AGFG1: variants seen among roughly 807,000 people sequenced by gnomAD.
AGFG1 encodes ArfGAP with FG repeats 1, also known as arf-GAP domain and FG repeat-containing protein 1.
Under a neutral mutation model 60.6 loss-of-function variants are expected in AGFG1, and 10 were observed. The observed-to-expected ratio is 0.16, with a 90% CI of 0.10 to 0.28. AGFG1 has a LOEUF of 0.28. AGFG1 is among the 10% of genes least tolerant of loss of function. The pLI is 1.00. For missense variants in AGFG1, 537 were observed against 676.5 expected (o/e 0.79, Z 2.29); for synonymous variants, 247 against 242.9 (o/e 1.02, Z -0.16).
intron 10 of AGFG1, among the ~76,000 whole-genome samples, chr2:227,545,518 C>T (rs1692618811): frequency 6.6e-6 from 1 of 152,224 alleles, no homozygotes; most frequent in Non-Finnish European, 1.5e-5. Flanking sequence ...CGAGGAGCTG[C>T]AGTCCTTTGG....
chr2:227,497,761 T>TTTTGG (rs546987888), intron 2 of AGFG1, among the ~76,000 whole-genome samples: 2 of 65,210 alleles, frequency 3.1e-5, no homozygotes, highest in Non-Finnish European at 6.7e-5. Flanking sequence ...TTTTTTTTTT[T>TTTTGG]GGGGACGGAG....
chr2:227,547,905 A>G (rs1043744671), intron 10 of AGFG1, among the ~76,000 whole-genome samples: 5 of 152,236 alleles, frequency 3.3e-5, no homozygotes, highest in African/African-American at 9.6e-5. Context: ...TGTTCATACC[A>G]TCAGTATTTA....
intron 1 of AGFG1, among the ~76,000 whole-genome samples, chr2:227,477,769 C>T (rs1239143994): frequency 6.6e-6 from 1 of 151,954 alleles, no homozygotes. Flanking sequence ...CCATGCCTGG[C>T]TAAATTTTTT....
intron 3 of AGFG1, among the ~76,000 whole-genome samples, chr2:227,521,621 C>G (rs1278260565): frequency 6.6e-6 from 1 of 152,178 alleles, no homozygotes; most frequent in Non-Finnish European, 1.5e-5. Context: ...AGACTGTTCT[C>G]CTTACATAGC....
Position 227,497,761 on chromosome 2 carries a change from T to TTTTTTTTG in AGFG1, c.261+6121_261+6122insTTTTTTTG, listed in dbSNP as rs546987888. On this transcript the variant is annotated intron_variant, in intron 2 of 12. Transcript: ENST00000310078. ...TTTTTTTTTTTTTTTTTTTTTTTTT[T>TTTTTTTTG]GGGGACGGAGTCTTACTCTGTCGCC... is the stretch of plus-strand genomic sequence containing the variant. 2.9e-3 allele frequency among the ~76,000 whole-genome samples: 189 copies of TTTTTTTTG among 65,170 alleles called. 15 individuals are homozygous for TTTTTTTTG. Among genetic ancestry groups the TTTTTTTTG allele is most frequent in the East Asian group, 4.9e-3 (9 of 1,848 alleles). 42.8% of individuals were successfully genotyped at this position (65,170 alleles called of 152,430 possible).
At chr2:227,525,537 G>C (rs1009856612) in intron 5 of AGFG1, among the ~76,000 whole-genome samples, 3 of 152,178 alleles carry the variant, frequency 2.0e-5, no homozygotes, top group Non-Finnish European at 4.4e-5. Flanking sequence ...AAGGTCCACA[G>C]ACTGCAGTTG....
intron 8 of AGFG1, among the ~76,000 whole-genome samples, chr2:227,535,757 T>G (rs983166220): frequency 6.6e-6 from 1 of 152,156 alleles, no homozygotes; most frequent in Non-Finnish European, 1.5e-5. Flanking sequence ...TAGAAAGAAA[T>G]GTTAGGATTG....
rs548123714 is a variant in AGFG1 at position 227,508,227 on chromosome 2, GACA to G, written c.262-11716_262-11714del. On this transcript the variant is annotated intron_variant, in intron 2 of 12. Coordinates refer to ENST00000310078, the MANE Select transcript of AGFG1 (RefSeq NM_004504.5). ...ACAAATGCATGCCTTCAGTCACCAG[GACA>G]ACAAGACAATAGAGTATCAGTACAA... 15 of 154,550 alleles carry G rather than the reference GACA, an allele frequency of 9.7e-5. No individual in the cohort carries two copies. In the South Asian group the frequency reaches 2.6e-3, roughly 26 times the overall value. 9.6% of individuals were successfully genotyped at this position (154,550 alleles called of 1,614,324 possible). A position where few individuals can be genotyped will look rare whatever the true frequency, so the allele number is the denominator to read the frequency against.
rs994819685 is a variant in AGFG1 at position 227,560,475 on chromosome 2, A to T, written c.*5980A>T. The T allele has an allele frequency of 3.3e-5, 5 of 152,104 alleles. No homozygotes were observed. Among genetic ancestry groups the T allele is most frequent in the African/African-American group, 9.7e-5 (4 of 41,436 alleles). The allele number at this position is 152,104 out of a possible 1,614,324, so 9.4% of individuals were successfully genotyped here. ...ATATATGAAAAAGCCTATGCTTTTA[A>T]ATTAAACTGTTAAGACAGTCCATTG... On this transcript the variant is annotated 3_prime_UTR_variant, in exon 13 of 13. Coordinates refer to ENST00000310078, the MANE Select transcript of AGFG1 (RefSeq NM_004504.5).
chr2:227,481,519 T>C (rs898942378), intron 1 of AGFG1, among the ~76,000 whole-genome samples: 1 of 152,196 alleles, frequency 6.6e-6, no homozygotes, highest in Non-Finnish European at 1.5e-5. Context: ...TCCAGTTGGC[T>C]TCTCCCACCT....
chr2:227,497,739 T>TG (rs1553541013), intron 2 of AGFG1, among the ~76,000 whole-genome samples: 2 of 93,316 alleles, frequency 2.1e-5, no homozygotes, highest in East Asian at 3.1e-4. Flanking sequence ...TGTTTTGTTT[T>TG]TTTTTTTTTT....
At chr2:227,486,719 C>A (rs1301650873) in intron 1 of AGFG1, among the ~76,000 whole-genome samples, 1 of 152,162 alleles carries the variant, frequency 6.6e-6, no homozygotes, top group African/African-American at 2.4e-5. Flanking sequence ...GAGTTTATAT[C>A]TTAGTAGAGA....
intron 3 of AGFG1, among the ~76,000 whole-genome samples, chr2:227,520,939 T>A (rs1691806660): frequency 1.3e-5 from 2 of 152,308 alleles, no homozygotes; most frequent in South Asian, 4.1e-4. Context: ...AGAGCCTGTT[T>A]TGGTCCTGAG....
intron 10 of AGFG1, among the ~76,000 whole-genome samples, chr2:227,538,852 A>G (rs972298528): frequency 1.3e-5 from 2 of 152,356 alleles, no homozygotes; most frequent in South Asian, 2.1e-4. Context: ...TGCAGATGAT[A>G]TAAGATAATT....
chr2:227,480,150 C>G (rs1253062658), intron 1 of AGFG1, among the ~76,000 whole-genome samples: 2 of 152,114 alleles, frequency 1.3e-5, no homozygotes, highest in Admixed American at 1.3e-4. Flanking sequence ...GGAACATTTG[C>G]AGGAACCAAA....
At chr2:227,527,142 A>G (rs1018340670) in intron 5 of AGFG1, among the ~76,000 whole-genome samples, 6 of 152,204 alleles carry the variant, frequency 3.9e-5, no homozygotes, top group Non-Finnish European at 7.3e-5. Context: ...TGGGCTTTGG[A>G]GTTGGGACAA....
At chr2:227,478,533 C>T (rs1690358805) in intron 1 of AGFG1, among the ~76,000 whole-genome samples, 1 of 152,082 alleles carries the variant, frequency 6.6e-6, no homozygotes, top group Non-Finnish European at 1.5e-5. Flanking sequence ...TGGGGTTTCG[C>T]CATGTTGCCC....
chr2:227,498,088 G>T (rs1402773838), intron 2 of AGFG1, among the ~76,000 whole-genome samples: 1 of 151,922 alleles, frequency 6.6e-6, no homozygotes, highest in African/African-American at 2.4e-5. Context: ...AAAACATTTT[G>T]AAAATTGATG....
At chr2:227,486,398 G>A (rs1031373626) in intron 1 of AGFG1, among the ~76,000 whole-genome samples, 2 of 152,104 alleles carry the variant, frequency 1.3e-5, no homozygotes, top group Admixed American at 1.3e-4. Context: ...ACTGTTGGAA[G>A]TAGAAATTAA....
Sources: allele counts gnomAD v4.1 joint callset (sites outside exome capture counted in the v4.1 genomes callset), GRCh38; gene constraint gnomAD v4.1.1; transcripts MANE v1.5; gene names NCBI Gene and HGNC (gene_info 2026-07-23, HGNC 2026-07-21).